Variants in ATF6 observed in about 807,000 individuals in gnomAD.
The protein encoded by ATF6 is activating transcription factor 6, also known as cyclic AMP-dependent transcription factor ATF-6 alpha.
In ATF6, 53 loss-of-function variants were observed where a neutral mutation model predicts 83.6. The observed-to-expected ratio is 0.63, with a 90% CI of 0.51 to 0.80. ATF6 has a LOEUF of 0.80. ATF6 is among the 30% of genes least tolerant of loss of function. The pLI, the probability that ATF6 is intolerant of heterozygous loss-of-function variation, is 0.00. For missense variants in ATF6, 744 were observed against 797.9 expected, an observed-to-expected ratio of 0.93 and a Z score of 0.81; for synonymous variants, 288 against 285.8, an observed-to-expected ratio of 1.01 and a Z score of -0.08.
At chr1:161,795,810 T>G (rs955584290) in intron 6 of ATF6, among the ~76,000 whole-genome samples, 5 of 152,250 alleles carry the variant, frequency 3.3e-5, no homozygotes. Context: ...CATTGTAGTT[T>G]GTGGCCTGGT....
At chr1:161,878,489 G>A (rs1332616912) in intron 14 of ATF6, among the ~76,000 whole-genome samples, 2 of 152,062 alleles carry the variant, frequency 1.3e-5, no homozygotes, top group Non-Finnish European at 2.9e-5. Flanking sequence ...AGAGAGAGGA[G>A]GGTTCAGGAC....
chr1:161,925,143 A>C (rs188477442), intron 15 of ATF6, among the ~76,000 whole-genome samples: 4 of 152,292 alleles, frequency 2.6e-5, no homozygotes, highest in African/African-American at 7.2e-5. Context: ...GGTTTTTGGA[A>C]GCTATTCTTG....
chr1:161,847,929 G>T (rs1686521630), intron 10 of ATF6, among the ~76,000 whole-genome samples: 1 of 152,058 alleles, frequency 6.6e-6, no homozygotes, highest in South Asian at 2.1e-4. Flanking sequence ...ATTAGCATAA[G>T]ATAACATGGT....
intron 14 of ATF6, among the ~76,000 whole-genome samples, chr1:161,903,466 C>T (rs1687828042): frequency 6.6e-6 from 1 of 152,114 alleles, no homozygotes; most frequent in Admixed American, 6.5e-5. Context: ...TTATTTCATT[C>T]AGTAGTGGAA....
intron 15 of ATF6, among the ~76,000 whole-genome samples, chr1:161,923,762 G>A (rs1243855471): frequency 2.6e-5 from 4 of 152,140 alleles, no homozygotes; most frequent in African/African-American, 4.8e-5. Context: ...GATCCTTCTA[G>A]GATATTAGTT....
At chr1:161,767,002 G>A (rs1241990770) in intron 1 of ATF6, among the ~76,000 whole-genome samples, 1 of 152,124 alleles carries the variant, frequency 6.6e-6, no homozygotes, top group Non-Finnish European at 1.5e-5. Flanking sequence ...AATCCTGACT[G>A]CTCTCCAGAT....
At chr1:161,939,002 C>T (rs927728771) in intron 15 of ATF6, among the ~76,000 whole-genome samples, 1 of 152,208 alleles carries the variant, frequency 6.6e-6, no homozygotes, top group Non-Finnish European at 1.5e-5. Flanking sequence ...TCCTCCTTCT[C>T]TCCTGCTGTT....
At chr1:161,941,487 TAAAA>T (rs976985090) in intron 15 of ATF6, among the ~76,000 whole-genome samples, 1 of 152,202 alleles carries the variant, frequency 6.6e-6, no homozygotes, top group Non-Finnish European at 1.5e-5. Context: ...TCTTGCTTTT[TAAAA>T]AATCCCAAGA....
rs1024643828 is a variant in ATF6, at chr1:161,821,154, C to A, written c.1180C>A (p.Pro394Thr). 1.6e-5 allele frequency: 25 copies of A among 1,597,040 alleles called. No homozygotes were observed. The highest frequency in any genetic ancestry group is 2.1e-5 in the Non-Finnish European group (24 of 1,169,736). ...VLAFIILNYG[P>T]MSMLEQDSRR... is the part of the protein sequence containing the mutation. ...GGCATTTATAATACTGAACTATGGA[C>A]CTATGAGGTAAGTGAATAGATATTT... Residue 394 changes from proline (P) to threonine (T), a missense_variant, in exon 9 of 16, where the codon CCT (proline) becomes ACT (threonine). Physicochemically the swap from Pro to Thr is conservative, Grantham distance 38. Coordinates refer to ENST00000367942, the MANE Select transcript of ATF6 (RefSeq NM_007348.4).
At chr1:161,862,789 C>T (rs934822887) in intron 13 of ATF6, among the ~76,000 whole-genome samples, 7 of 152,190 alleles carry the variant, frequency 4.6e-5, no homozygotes, top group South Asian at 2.1e-4. Flanking sequence ...TGCACAGCCT[C>T]GTAGGCAAGC....
In ATF6 at chr1:161,958,629, G is replaced by C. The variant is rs1689017775; in HGVS notation, c.1988G>C (p.Ser663Thr). The change falls in exon 16 of 16, where the codon AGC becomes ACC. Residue 663 changes from serine to threonine, a missense_variant. Ser to Thr is a moderately conservative substitution (Grantham distance 58). Coordinates refer to ENST00000367942, the MANE Select transcript of ATF6 (RefSeq NM_007348.4). Reference sequence around the variant, plus strand: ...GCCACAGAGGCAACCCACGTTGTCAGCACCATCCCTGAGTCATTACAATAG... The same window carrying C: ...GCCACAGAGGCAACCCACGTTGTCACCACCATCCCTGAGTCATTACAATAG... The part of the protein sequence containing the change: ...PAATEATHVV[S>T]TIPESLQ 4.3e-6 allele frequency: 7 copies of C among 1,613,294 alleles called. No homozygotes were observed. Among genetic ancestry groups the C allele is most frequent in the Non-Finnish European group, 5.9e-6 (7 of 1,179,706 alleles).
At chr1:161,782,037 TC>T in intron 3 of ATF6, 38 bp downstream of exon 3, 1 of 1,427,444 alleles carries the variant, frequency 7.0e-7, no homozygotes, top group Non-Finnish European at 9.7e-7. Flanking sequence ...TTTAAAAAGA[TC>T]AATTTTATTT....
At chr1:161,833,770 C>T (rs1686136536) in intron 9 of ATF6, among the ~76,000 whole-genome samples, 1 of 152,134 alleles carries the variant, frequency 6.6e-6, no homozygotes, top group Non-Finnish European at 1.5e-5. Context: ...AAGACCAAAT[C>T]TACGTCTAAT....
chr1:161,902,278 G>A (rs1406642800), intron 14 of ATF6, among the ~76,000 whole-genome samples: 3 of 152,142 alleles, frequency 2.0e-5, no homozygotes, highest in Non-Finnish European at 4.4e-5. Context: ...TAGCCATTAT[G>A]CTTCAGTAGG....
chr1:161,766,880 T>A (rs1684278167), intron 1 of ATF6, among the ~76,000 whole-genome samples: 1 of 152,206 alleles, frequency 6.6e-6, no homozygotes, highest in South Asian at 2.1e-4. Context: ...GAAATTCTAA[T>A]CTTACAGCTT....
chr1:161,854,596 G>A (rs2101829651), intron 12 of ATF6, among the ~76,000 whole-genome samples: 1 of 152,360 alleles, frequency 6.6e-6, no homozygotes, highest in Admixed American at 6.5e-5. Context: ...GGGAGGCTGG[G>A]CGTGGTGGCT....
chr1:161,806,166 C>T (rs1571147015), intron 7 of ATF6, among the ~76,000 whole-genome samples: 1 of 152,142 alleles, frequency 6.6e-6, no homozygotes, highest in East Asian at 1.9e-4. Context: ...TAGAAGTTCT[C>T]TGTGCAGTTT....
intron 14 of ATF6, among the ~76,000 whole-genome samples, chr1:161,894,977 G>A (rs951423741): frequency 3.3e-5 from 5 of 151,818 alleles, no homozygotes; most frequent in African/African-American, 1.2e-4. Context: ...AGTGGCTCAT[G>A]CCTGTAATCC....
At chr1:161,847,965 A>C (rs1686522932) in intron 10 of ATF6, among the ~76,000 whole-genome samples, 1 of 152,134 alleles carries the variant, frequency 6.6e-6, no homozygotes. Context: ...TAGTAGTCTG[A>C]TCATACTAGT....
Sources: allele counts gnomAD v4.1 joint callset (sites outside exome capture counted in the v4.1 genomes callset), GRCh38; gene constraint gnomAD v4.1.1; transcripts MANE v1.5; gene names NCBI Gene and HGNC (gene_info 2026-07-23, HGNC 2026-07-21).